Variants in CENPF observed in about 807,000 individuals in gnomAD.
CENPF encodes the protein centromere protein F.
A neutral mutation model predicts 307.3 loss-of-function variants in CENPF; 214 were observed. The observed-to-expected ratio is 0.70, with a 90% CI of 0.62 to 0.78. CENPF has a LOEUF of 0.78. CENPF is among the 30% of genes least tolerant of loss of function. CENPF has a pLI of 0.00. For synonymous variants in CENPF, 1,259 were observed against 1,270.6 expected, an observed-to-expected ratio of 0.99 and a Z score of 0.19; for missense variants, 3,401 against 3,483.9, an observed-to-expected ratio of 0.98 and a Z score of 0.60.
chr1:214,644,409 G>A, intron 12 of CENPF, 148 bp from the exon 13 acceptor site: 1 of 721,376 alleles, frequency 1.4e-6, no homozygotes, highest in South Asian at 2.7e-5. Flanking sequence ...TGAATGAAGA[G>A]AGAAAGATGT....
chr1:214,655,156 A>G, intron 16 of CENPF, 85 bp from the exon 17 acceptor site: 3 of 813,698 alleles, frequency 3.7e-6, no homozygotes, highest in Admixed American at 3.6e-5. Flanking sequence ...TTTACAATAT[A>G]TGAATCTTAT....
intron 3 of CENPF, among the ~76,000 whole-genome samples, chr1:214,617,465 A>G (rs1352744602): frequency 2.6e-5 from 4 of 152,254 alleles, no homozygotes; most frequent in Admixed American, 2.6e-4. Context: ...AGTCAGAGAC[A>G]TAAGAGAGTT....
Position 214,650,258 on chromosome 1 carries a change from A to T in CENPF, c.7983+1431A>T, listed in dbSNP as rs888024514. Among the ~76,000 whole-genome samples the T allele has an allele frequency of 5.3e-5, 8 of 149,580 alleles. No homozygotes were observed. In the South Asian group the frequency reaches 8.4e-4, roughly 16 times the overall value. On this transcript the variant is annotated intron_variant, in intron 14 of 19. Coordinates refer to ENST00000366955, the MANE Select transcript of CENPF (RefSeq NM_016343.4). The stretch of plus-strand genomic sequence containing the variant: ...TGGTCAAAGCTCTGGGACTAGAAAG[A>T]TCTTTGTATTTTTTTTAGAAATTGA...
At chr1:214,608,557 C>T in intron 1 of CENPF, 1 of 1,610,992 alleles carries the variant, frequency 6.2e-7, no homozygotes, top group Non-Finnish European at 8.5e-7. Flanking sequence ...GCGGTTGCGG[C>T]GGGCGCTCTT....
In CENPF at chr1:214,626,854, G is replaced by A. The variant is rs142125347; in HGVS notation, c.1069-2192G>A. On this transcript the variant is annotated intron_variant, in intron 7 of 19. Coordinates refer to ENST00000366955, the MANE Select transcript of CENPF (RefSeq NM_016343.4). ...TCCTAGTTAATTAAGCTAATTTTCA[G>A]TTGCATTTCTGCCAAGCTAGGCCTT... Among the ~76,000 whole-genome samples the A allele has an allele frequency of 2.1e-3, 322 of 152,262 alleles. 2 individuals carry two copies. Among genetic ancestry groups the A allele is most frequent in the African/African-American group, 7.1e-3 (293 of 41,542 alleles).
At position 214,642,404 on chromosome 1, in the gene CENPF, C is replaced by T. The variant is rs764987562; in HGVS notation, c.4066C>T (p.Leu1356Phe). 1.9e-6 allele frequency: 3 copies of T among 1,603,560 alleles called. No homozygotes were observed. Among genetic ancestry groups the T allele is most frequent in the South Asian group, 1.1e-5 (1 of 88,722 alleles). Residue 1356 changes from leucine to phenylalanine, a missense_variant, in exon 12 of 20, where the codon CTC becomes TTC. Physicochemically the swap from Leu to Phe is conservative, Grantham distance 22. Transcript: ENST00000366955. ...VKILNDDSGL[L>F]HGELVEDIPG... The stretch of plus-strand genomic sequence containing the variant: ...AATATTAAATGATGACAGTGGTCTT[C>T]TCCATGGTGAGTTAGTGGAAGACAT...
At position 214,644,802 on chromosome 1, in the gene CENPF, A is replaced by G. The variant is rs1233092689; in HGVS notation, c.5232A>G (p.Glu1744=). The change falls in exon 13 of 20, where the codon GAA becomes GAG. Residue 1744 remains glutamate (E), a synonymous_variant. Coordinates refer to ENST00000366955, the MANE Select transcript of CENPF (RefSeq NM_016343.4). ...AAGATAAAACCCAGGGCTCTTCAGA[A>G]TGCATTTCTGAATTGTCATTTTCTG... ...PGEDKTQGSS[E]CISELSFSGP... is the part of the protein sequence containing the mutation. 2 of 1,613,884 alleles carry G rather than the reference A, an allele frequency of 1.2e-6. No homozygotes were observed. The highest frequency in any genetic ancestry group is 1.7e-6 in the Non-Finnish European group (2 of 1,179,976).
Position 214,642,650 on chromosome 1 carries a change from T to G in CENPF, c.4312T>G (p.Tyr1438Asp). 6.2e-7 allele frequency: 1 copy of G among 1,614,080 alleles called. No individual in the cohort carries two copies. Residue 1438 changes from tyrosine to aspartate, a missense_variant, in exon 12 of 20, where the codon TAT (tyrosine) becomes GAT (aspartate). Physicochemically the swap from Tyr to Asp is radical, Grantham distance 160. Transcript: ENST00000366955. ...CTCTAAAATGTCAGAGCTGCAGACC[T>G]ATGTTGACTCATTAAAGGCCGAAAA... The part of the protein sequence containing the change: ...MSSKMSELQT[Y>D]VDSLKAENLV...
chr1:214,642,749 G>T lies in CENPF; in HGVS notation c.4411G>T (p.Gly1471Trp). 1 of 1,614,054 alleles carries T rather than the reference G, an allele frequency of 6.2e-7. No homozygotes were observed. The highest frequency in any genetic ancestry group is 1.1e-5 in the South Asian group (1 of 91,076). The change falls in exon 12 of 20, where the codon GGG becomes TGG. Residue 1471 changes from glycine (G) to tryptophan (W), a missense_variant. Transcript: ENST00000366955. The stretch of plus-strand genomic sequence containing the variant: ...GGAGATGCAGCTGGGCTTGGAGGAG[G>T]GGCTCGTTCCATCCCTGTCATCCTC... The part of the protein sequence containing the change: ...VKEMQLGLEE[G>W]LVPSLSSSCV...
intron 17 of CENPF, among the ~76,000 whole-genome samples, chr1:214,656,411 A>G (rs1031168765): frequency 3.9e-5 from 6 of 152,126 alleles, no homozygotes; most frequent in Non-Finnish European, 5.9e-5. Context: ...CAAGATTCCC[A>G]CCTTTATAGT....
At chr1:214,658,612 CCTT>C (rs903682767) in intron 18 of CENPF, among the ~76,000 whole-genome samples, 11 of 152,094 alleles carry the variant, frequency 7.2e-5, no homozygotes, top group Admixed American at 3.3e-4. Flanking sequence ...GTTATTTTCC[CCTT>C]CTTCTCCCAT....
In CENPF at chr1:214,631,305, T is replaced by A. The variant is rs148240429; in HGVS notation, c.1323+643T>A. Among the ~76,000 whole-genome samples the A allele has an allele frequency of 1.4e-3, 209 of 152,344 alleles. 2 individuals carry two copies. The highest frequency in any genetic ancestry group is 4.9e-3 in the African/African-American group (202 of 41,576). On this transcript the variant is annotated intron_variant, in intron 9 of 19. Transcript: ENST00000366955. ...TTCTTCTTTTTCTCTTACACTTGAA[T>A]CTGCTGCCTCTACTGATGGATACTT...
Position 214,641,909 on chromosome 1 carries a change from A to C in CENPF, c.3571A>C (p.Lys1191Gln). ...GAGTGAGAGAAATCAATGTAATTTT[A>C]AACCTCAGATGGATCTTGAAGTTAA... ...RESERNQCNF[K>Q]PQMDLEVKEI... Residue 1191 changes from lysine (K) to glutamine (Q), a missense_variant, in exon 12 of 20, where the codon AAA becomes CAA. By Grantham distance (53) the Lys-to-Gln change is moderately conservative (BLOSUM62 1). Transcript: ENST00000366955. 3 of 1,591,736 alleles carry C rather than the reference A, an allele frequency of 1.9e-6. No homozygotes were observed. Among genetic ancestry groups the C allele is most frequent in the Non-Finnish European group, 2.6e-6 (3 of 1,173,548 alleles).
intron 3 of CENPF, among the ~76,000 whole-genome samples, chr1:214,616,841 CTTTCTTTCTT>C (rs1558170828): frequency 2.0e-3 from 5 of 2,458 alleles, no homozygotes; most frequent in Admixed American, 3.6e-3. Context: ...CTTCCTCTTT[CTTTCTTTCTT>C]TCTTTCTTTC....
intron 5 of CENPF, among the ~76,000 whole-genome samples, chr1:214,620,422 G>C (rs1657472527): frequency 1.3e-5 from 2 of 152,198 alleles, no homozygotes; most frequent in African/African-American, 4.8e-5. Context: ...ATTTTGAATA[G>C]ATTGGGCATG....
intron 19 of CENPF, among the ~76,000 whole-genome samples, chr1:214,662,853 C>T (rs146182782): frequency 2.6e-4 from 39 of 151,896 alleles, no homozygotes; most frequent in Non-Finnish European, 5.0e-4. Flanking sequence ...TATCACGGCT[C>T]ACTGCAGCTT....
At chr1:214,615,461 A>G (rs1232038458) in intron 3 of CENPF, among the ~76,000 whole-genome samples, 1 of 152,184 alleles carries the variant, frequency 6.6e-6, no homozygotes, top group Non-Finnish European at 1.5e-5. Context: ...CTGTTACCGA[A>G]AAGATGGAAA....
rs1375320639 is a variant in CENPF at position 214,640,341 on chromosome 1, T to C, written c.2003T>C (p.Leu668Pro). 1.2e-6 allele frequency: 2 copies of C among 1,613,870 alleles called. No individual in the cohort carries two copies. Among genetic ancestry groups the C allele is most frequent in the South Asian group, 2.2e-5 (2 of 91,062 alleles). The change falls in exon 12 of 20, where the codon CTG becomes CCG. Residue 668 changes from leucine (L) to proline (P), a missense_variant. Leu to Pro is a moderately conservative substitution (Grantham distance 98, BLOSUM62 -3). Transcript: ENST00000366955. ...SHEYNERVRTLEMDRENLSVE... is the reference protein window; with the variant it reads ...SHEYNERVRTPEMDRENLSVE... ...GAATACAACGAGAGAGTAAGAACGC[T>C]GGAGATGGACAGAGAAAACCTAAGT...
chr1:214,630,469 G>C, intron 8 of CENPF, 65 bp from the exon 9 acceptor site: 2 of 1,594,854 alleles, frequency 1.3e-6, no homozygotes, highest in Non-Finnish European at 1.7e-6. Context: ...GGATGCTCAT[G>C]CCTCACCCTG....
Sources: gnomAD v4.1 joint callset for allele counts (sites outside exome capture counted in the v4.1 genomes callset) on GRCh38, gnomAD v4.1.1 for gene constraint, MANE v1.5 for transcripts, NCBI Gene and HGNC (gene_info 2026-07-23, HGNC 2026-07-21) for gene names.